The following SRGAP3 variants were observed in gnomAD, a reference collection of about 807,000 sequenced individuals.
SRGAP3 encodes the protein SLIT-ROBO Rho GTPase activating protein 3.
A neutral mutation model predicts 121.1 loss-of-function variants in SRGAP3; 39 were observed. The ratio of observed to expected loss-of-function variants is 0.32; its 90% CI spans 0.25 to 0.42. The LOEUF (loss-of-function observed/expected upper bound fraction) is 0.42, where lower values mean the gene tolerates loss of function less well. SRGAP3 is among the 10% of genes least tolerant of loss of function. SRGAP3 has a pLI of 1.00. For synonymous variants in SRGAP3, 601 were observed against 570.0 expected (o/e 1.05, Z -0.77); for missense variants, 1,213 against 1,470.6 (o/e 0.82, Z 2.86).
intron 14 of SRGAP3, among the ~76,000 whole-genome samples, chr3:9,018,123 G>T (rs181505217): frequency 2.0e-4 from 30 of 152,224 alleles, no homozygotes; most frequent in African/African-American, 7.0e-4. Flanking sequence ...TCTGAGGCTG[G>T]CTTATTTCAC....
intron 1 of SRGAP3, among the ~76,000 whole-genome samples, chr3:9,150,240 G>C (rs536483386): frequency 4.0e-5 from 6 of 151,794 alleles, no homozygotes; most frequent in African/African-American, 1.5e-4. Context: ...AAGAGCTATG[G>C]GGTGAGGAGA....
chr3:9,082,081 G>A (rs74658028), intron 3 of SRGAP3, among the ~76,000 whole-genome samples: 2,236 of 152,236 alleles, frequency 0.015, 49 homozygotes, highest in African/African-American at 0.051. Flanking sequence ...GGGGGTGAAC[G>A]GCTCAGTGAC....
chr3:9,005,484 G>T (rs888433950), intron 18 of SRGAP3, among the ~76,000 whole-genome samples: 1 of 152,290 alleles, frequency 6.6e-6, no homozygotes. Context: ...ACACATGTTT[G>T]CAGCAGTATT....
chr3:9,084,910 G>T (rs1047639428), intron 3 of SRGAP3, among the ~76,000 whole-genome samples: 1 of 152,240 alleles, frequency 6.6e-6, no homozygotes. Flanking sequence ...GACTAGCACA[G>T]GCCTGTTGGG....
At chr3:9,281,648 C>T (rs12639097) in intron 3 of SRGAP3, among the ~76,000 whole-genome samples, 22,174 of 151,972 alleles carry the variant, frequency 0.15, 1,899 homozygotes, top group South Asian at 0.19. Flanking sequence ...GCACAATACG[C>T]GCCCCAATTA....
At chr3:9,158,063 C>T (rs1034711716) in intron 1 of SRGAP3, among the ~76,000 whole-genome samples, 2 of 152,182 alleles carry the variant, frequency 1.3e-5, no homozygotes, top group Non-Finnish European at 2.9e-5. Flanking sequence ...CTGAGCCCAC[C>T]AGGACTGTCA....
At position 8,982,580 on chromosome 3, in the gene SRGAP3, A is replaced by T. The variant is rs935261470; in HGVS notation, c.*2939T>A. ...TTTCCAGCATTTAAGCAAATACAGC[A>T]ATATATAGTGGACTAAAACAGGCAG... is the stretch of plus-strand genomic sequence containing the variant. On this transcript the variant is annotated 3_prime_UTR_variant, in exon 22 of 22. Coordinates refer to ENST00000383836, the MANE Select transcript of SRGAP3 (RefSeq NM_014850.4). 2 of 222,598 alleles carry T rather than the reference A, an allele frequency of 9.0e-6. No individual in the cohort carries two copies. Among genetic ancestry groups the T allele is most frequent in the African/African-American group, 2.2e-5 (1 of 44,740 alleles). The allele number at this position is 222,598 out of a possible 1,614,324, so 13.8% of individuals were successfully genotyped here.
chr3:9,276,226 T>C (rs567012201), intron 3 of SRGAP3, among the ~76,000 whole-genome samples: 21 of 152,210 alleles, frequency 1.4e-4, no homozygotes, highest in African/African-American at 4.8e-4. Context: ...CTTTAATGGG[T>C]TCCTGGCTTA....
At chr3:9,045,975 C>T (rs998307635) in intron 10 of SRGAP3, among the ~76,000 whole-genome samples, 2 of 152,276 alleles carry the variant, frequency 1.3e-5, no homozygotes, top group South Asian at 2.1e-4. Flanking sequence ...CCTCCATTCT[C>T]ACTGTTTTTC....
chr3:9,020,285 CCTTT>C (rs1374725176), intron 14 of SRGAP3, among the ~76,000 whole-genome samples: 1 of 152,156 alleles, frequency 6.6e-6, no homozygotes, highest in African/African-American at 2.4e-5. Flanking sequence ...TTCCTTCCTT[CCTTT>C]CATCCTTTAC....
intron 1 of SRGAP3, among the ~76,000 whole-genome samples, chr3:9,126,649 A>AAC (rs1560211140): frequency 0.014 from 1,877 of 136,958 alleles, 18 homozygotes; most frequent in South Asian, 0.036. Context: ...AACTAACTAA[A>AAC]TAAATAAATA....
intron 3 of SRGAP3, among the ~76,000 whole-genome samples, chr3:9,093,534 C>A (rs758992703): frequency 2.6e-5 from 4 of 151,914 alleles, no homozygotes; most frequent in Non-Finnish European, 4.4e-5. Context: ...TCCATATACC[C>A]ATCAACCCAC....
chr3:9,263,616 A>T (rs1954295461), intron 3 of SRGAP3, among the ~76,000 whole-genome samples: 1 of 152,178 alleles, frequency 6.6e-6, no homozygotes, highest in Non-Finnish European at 1.5e-5. Context: ...AAACTAGAAA[A>T]TCTAGAAGTA....
chr3:9,136,763 A>T (rs1480550603), intron 1 of SRGAP3, among the ~76,000 whole-genome samples: 2 of 152,182 alleles, frequency 1.3e-5, no homozygotes, highest in African/African-American at 4.8e-5. Flanking sequence ...GCCAGAGTCC[A>T]CCGGAGACTC....
At chr3:9,122,103 A>G (rs568108810) in intron 2 of SRGAP3, among the ~76,000 whole-genome samples, 1 of 152,310 alleles carries the variant, frequency 6.6e-6, no homozygotes, top group South Asian at 2.1e-4. Flanking sequence ...CATCTTTACG[A>G]TGGGGTAGTA....
chr3:9,270,039 T>C (rs1033556168), intron 3 of SRGAP3, among the ~76,000 whole-genome samples: 1 of 152,088 alleles, frequency 6.6e-6, no homozygotes, highest in African/African-American at 2.4e-5. Context: ...GAGTTTCTGA[T>C]TTAGTAGATC....
chr3:8,994,579 G>T, intron 18 of SRGAP3, 56 bp from the exon 19 acceptor site: 1 of 1,599,694 alleles, frequency 6.3e-7, no homozygotes, highest in Non-Finnish European at 8.5e-7. Flanking sequence ...GGCAGCTCAG[G>T]AGCCTCACTC....
At chr3:9,354,726 T>C (rs1375900764) in intron 1 of SRGAP3, among the ~76,000 whole-genome samples, 2 of 151,072 alleles carry the variant, frequency 1.3e-5, no homozygotes, top group African/African-American at 4.9e-5. Flanking sequence ...AGGAAGACAT[T>C]AAGGTAAAAA....
At chr3:9,113,547 T>C (rs1188644307) in intron 2 of SRGAP3, among the ~76,000 whole-genome samples, 2 of 152,174 alleles carry the variant, frequency 1.3e-5, no homozygotes. Flanking sequence ...CATTTTGAGG[T>C]ACTGGAGTTT....
Sources: allele counts gnomAD v4.1 joint callset (sites outside exome capture counted in the v4.1 genomes callset), GRCh38; gene constraint gnomAD v4.1.1; transcripts MANE v1.5; gene names NCBI Gene and HGNC (gene_info 2026-07-23, HGNC 2026-07-21).